LASP1: variants seen among roughly 807,000 people sequenced by gnomAD.
LASP1 encodes LIM and SH3 protein 1.
A neutral mutation model predicts 38.6 loss-of-function variants in LASP1; 10 were observed. That is an observed-to-expected ratio of 0.26 (90% CI 0.16 to 0.44). The LOEUF (loss-of-function observed/expected upper bound fraction) is 0.44. Ranked by LOEUF, LASP1 falls within the 20% of genes least tolerant of loss-of-function variation. LASP1 has a pLI of 1.00. For synonymous variants in LASP1, 132 were observed against 140.8 expected, an observed-to-expected ratio of 0.94 and a Z score of 0.44; for missense variants, 243 against 375.7, an observed-to-expected ratio of 0.65 and a Z score of 2.92.
Position 38,918,600 on chromosome 17 carries a change from C to G in LASP1, c.613-5C>G, listed in dbSNP as rs1915202458. On this transcript the variant is annotated splice_region_variant and splice_polypyrimidine_tract_variant and intron_variant, in intron 6 of 6. Transcript: ENST00000318008. The surrounding 1 kb of genome is among the most constrained non-coding windows in gnomAD (Gnocchi z 4.4). ...GGCCCTAGGCTGACCACACTTCCCC[C>G]ACAGAAGCGGTACCGCGCGGTGTAT... is the stretch of plus-strand genomic sequence containing the variant. The G allele has an allele frequency of 2.5e-6, 4 of 1,580,116 alleles. No homozygotes were observed. Among genetic ancestry groups the G allele is most frequent in the Non-Finnish European group, 3.5e-6 (4 of 1,156,858 alleles).
chr17:38,919,985 CA>C lies in LASP1; in HGVS notation c.*1208del, dbSNP rs954920704. 3.5e-4 allele frequency: 186 copies of C among 535,084 alleles called. 2 individuals are homozygous for C. The Admixed American group carries it at 4.0e-3, about 12-fold the overall frequency. The allele number at this position is 535,084 out of a possible 1,614,324, so 33.1% of individuals were successfully genotyped here. Reference sequence around the variant, plus strand: ...AGCTGTCTTCCCCTGAGAGTTTCCTCAGAACCCACAGTGAGAGGGGAGGGCT... The same window carrying C: ...AGCTGTCTTCCCCTGAGAGTTTCCTCGAACCCACAGTGAGAGGGGAGGGCT... On this transcript the variant is annotated 3_prime_UTR_variant, in exon 7 of 7. Coordinates refer to ENST00000318008, the MANE Select transcript of LASP1 (RefSeq NM_006148.4).
chr17:38,876,392 G>A (rs966786531), intron 1 of LASP1, among the ~76,000 whole-genome samples: 8 of 151,408 alleles, frequency 5.3e-5, no homozygotes, highest in African/African-American at 1.7e-4. Flanking sequence ...ATTAAGTCTC[G>A]CTCTATACCC....
chr17:38,890,382 C>T, intron 2 of LASP1, 38 bp from the exon 3 acceptor site: 6 of 1,567,958 alleles, frequency 3.8e-6, no homozygotes, highest in South Asian at 2.2e-5. Flanking sequence ...CTGCCCCTCC[C>T]CCAGAGTCAC....
intron 4 of LASP1, among the ~76,000 whole-genome samples, chr17:38,907,156 G>C (rs921162519): frequency 6.6e-6 from 1 of 152,158 alleles, no homozygotes; most frequent in Admixed American, 6.5e-5. Context: ...ATTTGCTGGC[G>C]AGGGGAAGGA....
chr17:38,876,936 C>T (rs1009480174), intron 1 of LASP1, among the ~76,000 whole-genome samples: 1 of 152,142 alleles, frequency 6.6e-6, no homozygotes, highest in Non-Finnish European at 1.5e-5. Context: ...ATCTCTTGAC[C>T]TCATGATCCG....
chr17:38,892,884 G>A (rs550738511), intron 3 of LASP1, among the ~76,000 whole-genome samples: 2 of 152,018 alleles, frequency 1.3e-5, no homozygotes, highest in Admixed American at 1.3e-4. Flanking sequence ...TTCCCGGGGG[G>A]GCCTCTTGGG....
intron 4 of LASP1, among the ~76,000 whole-genome samples, chr17:38,908,131 A>C (rs1418062762): frequency 2.0e-5 from 3 of 152,208 alleles, no homozygotes; most frequent in Non-Finnish European, 4.4e-5. Context: ...GGAAGCTGTC[A>C]CACATTCATC....
At chr17:38,909,999 C>T (rs564306510) in intron 4 of LASP1, among the ~76,000 whole-genome samples, 13 of 152,282 alleles carry the variant, frequency 8.5e-5, no homozygotes, top group South Asian at 2.1e-4. Context: ...CTGCCAACCT[C>T]GACCTCCCAA....
intron 3 of LASP1, among the ~76,000 whole-genome samples, chr17:38,891,876 C>G (rs1014012287): frequency 6.6e-6 from 1 of 152,128 alleles, no homozygotes; most frequent in African/African-American, 2.4e-5. Flanking sequence ...AAGAGGATCA[C>G]TTGAGCCCAG....
At position 38,900,380 on chromosome 17, in the gene LASP1, C is replaced by CAAAAAA. The variant is rs55996334; in HGVS notation, c.357+1867_357+1872dup. Among the ~76,000 whole-genome samples, 19 of 113,570 alleles carry CAAAAAA rather than the reference C, an allele frequency of 1.7e-4. 3 individuals are homozygous for CAAAAAA. The South Asian group carries it at 2.0e-3, about 12-fold the overall frequency. 74.5% of individuals were successfully genotyped at this position (113,570 alleles called of 152,430 possible). A position where few individuals can be genotyped will look rare whatever the true frequency, so the allele number is the denominator to read the frequency against. ...GGGAAACCGAGTGAGACCCTGTTTC[C>CAAAAAA]AAAAAAAAAAAGGACCAGGCGCGGT... On this transcript the variant is annotated intron_variant, in intron 4 of 6. Coordinates refer to ENST00000318008, the MANE Select transcript of LASP1 (RefSeq NM_006148.4).
intron 4 of LASP1, among the ~76,000 whole-genome samples, chr17:38,906,434 C>T (rs1914777559): frequency 6.6e-6 from 1 of 152,022 alleles, no homozygotes; most frequent in African/African-American, 2.4e-5. Flanking sequence ...GAGACAGAAG[C>T]AGGAGAATTG....
chr17:38,907,336 G>A (rs1275858101), intron 4 of LASP1, among the ~76,000 whole-genome samples: 2 of 152,118 alleles, frequency 1.3e-5, no homozygotes, highest in Non-Finnish European at 2.9e-5. Flanking sequence ...TTCTTGTTGA[G>A]AGTGAAAAGG....
At chr17:38,909,390 A>G (rs1006222647) in intron 4 of LASP1, among the ~76,000 whole-genome samples, 8 of 152,028 alleles carry the variant, frequency 5.3e-5, no homozygotes, top group Non-Finnish European at 1.5e-5. Context: ...GGCAGATCAC[A>G]AGGTCAAGAA....
chr17:38,888,418 C>T (rs1914209706), intron 2 of LASP1, among the ~76,000 whole-genome samples: 2 of 152,006 alleles, frequency 1.3e-5, no homozygotes, highest in South Asian at 2.1e-4. Flanking sequence ...GCTGGGATTA[C>T]AGCTATGCGC....
chr17:38,910,048 A>G (rs574339193), intron 4 of LASP1, among the ~76,000 whole-genome samples: 1 of 152,228 alleles, frequency 6.6e-6, no homozygotes, highest in South Asian at 2.1e-4. Context: ...GCACCTGGCC[A>G]TCTCATACTT....
chr17:38,886,217 G>T (rs957253727), intron 2 of LASP1, among the ~76,000 whole-genome samples: 1 of 151,374 alleles, frequency 6.6e-6, no homozygotes, highest in Non-Finnish European at 1.5e-5. Flanking sequence ...AGCTGAAGAT[G>T]AGGTTGCCAT....
rs542212820 is a variant in LASP1, at chr17:38,900,779, C to T, written c.357+2260C>T. On this transcript the variant is annotated intron_variant, in intron 4 of 6. Transcript: ENST00000318008. ...GGTGGCCTGAGGAAATGGCATGCTTCCCTTTGGCTAGCAGGGGATGCCTAG... is the reference window on the plus strand; with the variant it reads ...GGTGGCCTGAGGAAATGGCATGCTTTCCTTTGGCTAGCAGGGGATGCCTAG... Among the ~76,000 whole-genome samples the T allele has an allele frequency of 9.2e-5, 14 of 152,330 alleles. No homozygotes were observed. In the South Asian group the frequency reaches 1.4e-3, roughly 16 times the overall value.
intron 2 of LASP1, among the ~76,000 whole-genome samples, chr17:38,879,648 T>C (rs766835848): frequency 1.3e-5 from 2 of 151,468 alleles, no homozygotes; most frequent in Non-Finnish European, 2.9e-5. Flanking sequence ...TTGGGACTTG[T>C]CTAAAAAGGG....
intron 4 of LASP1, among the ~76,000 whole-genome samples, chr17:38,910,458 C>T (rs1914904280): frequency 6.6e-6 from 1 of 151,990 alleles, no homozygotes; most frequent in Non-Finnish European, 1.5e-5. Context: ...TCTTCCCCCC[C>T]TCCACCGCCC....
Sources: allele counts gnomAD v4.1 joint callset (sites outside exome capture counted in the v4.1 genomes callset), GRCh38; gene constraint gnomAD v4.1.1; non-coding constraint Gnocchi (gnomAD v3.1); transcripts MANE v1.5; gene names NCBI Gene and HGNC (gene_info 2026-07-23, HGNC 2026-07-21).